Variants in NCOA3 observed in about 807,000 individuals in gnomAD.
NCOA3 encodes CBP-interacting protein.
In NCOA3, 51 loss-of-function variants were observed where a neutral mutation model predicts 158.8. The observed-to-expected ratio is 0.32, with a 90% CI of 0.26 to 0.41. The LOEUF is 0.41. Among genes scored for constraint, NCOA3 ranks in the 10% least tolerant of loss-of-function variants. NCOA3 has a pLI of 1.00. For missense variants in NCOA3, 1,510 were observed against 1,746.6 expected (o/e 0.86, Z 2.41); for synonymous variants, 537 against 592.4 (o/e 0.91, Z 1.36).
intron 1 of NCOA3, among the ~76,000 whole-genome samples, chr20:47,549,070 G>T (rs2084885964): frequency 6.6e-6 from 1 of 151,876 alleles, no homozygotes; most frequent in Non-Finnish European, 1.5e-5. Flanking sequence ...AGAGATGGGG[G>T]TCTCACCACG....
intron 2 of NCOA3, among the ~76,000 whole-genome samples, chr20:47,612,555 T>A (rs2086062169): frequency 6.6e-6 from 1 of 152,202 alleles, no homozygotes; most frequent in South Asian, 2.1e-4. Context: ...AGGAAATGTT[T>A]CAGTTACCTT....
rs1221096315 is a variant in NCOA3 at position 47,583,227 on chromosome 20, T to C, written c.-54T>C. The C allele has an allele frequency of 2.5e-6, 1 of 398,530 alleles. No individual in the cohort carries two copies. The highest frequency in any genetic ancestry group is 4.4e-6 in the Non-Finnish European group (1 of 226,066). 24.7% of individuals were successfully genotyped at this position (398,530 alleles called of 1,614,324 possible). A position where few individuals can be genotyped will look rare whatever the true frequency, so the allele number is the denominator to read the frequency against. Reference sequence around the variant, plus strand: ...TGGTGGACTCAGAGACCAATAAAAATAAACTGCTTGAACATCCTTTGACTG... The same window carrying C: ...TGGTGGACTCAGAGACCAATAAAAACAAACTGCTTGAACATCCTTTGACTG... On this transcript the variant is annotated 5_prime_UTR_variant, in exon 2 of 23. Transcript: ENST00000371998.
intron 1 of NCOA3, among the ~76,000 whole-genome samples, chr20:47,532,072 A>C (rs780337047): frequency 1.8e-4 from 28 of 151,400 alleles, no homozygotes; most frequent in Non-Finnish European, 2.9e-4. Flanking sequence ...GTGACTAGAA[A>C]GGTTACGGAA....
At position 47,635,434 on chromosome 20, in the gene NCOA3, T is replaced by G; in HGVS notation, c.1225T>G (p.Leu409Val). The G allele has an allele frequency of 3.7e-6, 6 of 1,614,148 alleles. No individual in the cohort carries two copies. The highest frequency in any genetic ancestry group is 5.1e-6 in the Non-Finnish European group (6 of 1,180,032). Residue 409 changes from leucine to valine, a missense_variant, in exon 11 of 23, where the codon TTA becomes GTA. By Grantham distance (32) the Leu-to-Val change is conservative. Coordinates refer to ENST00000371998, the MANE Select transcript of NCOA3 (RefSeq NM_181659.3). ...GGMSMSPNQG[L>V]QMPSSRAYGL... ...CATGAGTATGTCGCCAAACCAAGGC[T>G]TACAGATGCCGAGCAGCAGGGCCTA...
intron 1 of NCOA3, among the ~76,000 whole-genome samples, chr20:47,504,253 C>T (rs1602307377): frequency 6.6e-6 from 1 of 152,084 alleles, no homozygotes; most frequent in Admixed American, 6.6e-5. Context: ...TGTGCATTTC[C>T]TTCTCTGTAT....
rs1484751777 is a variant in NCOA3 at position 47,636,251 on chromosome 20, T to C, written c.1865T>C (p.Leu622Pro). Residue 622 changes from leucine (L) to proline (P), a missense_variant, in exon 12 of 23, where the codon CTG becomes CCG. Coordinates refer to ENST00000371998, the MANE Select transcript of NCOA3 (RefSeq NM_181659.3). Reference sequence around the variant, plus strand: ...GAAAGCAAAGGTCATAAAAAATTACTGCAGTTACTTACCTGTTCTTCTGAT... The same window carrying C: ...GAAAGCAAAGGTCATAAAAAATTACCGCAGTTACTTACCTGTTCTTCTGAT... ...PLESKGHKKL[L>P]QLLTCSSDDR... The C allele has an allele frequency of 6.2e-7, 1 of 1,614,234 alleles. No homozygotes were observed. The highest frequency in any genetic ancestry group is 1.1e-5 in the South Asian group (1 of 91,088).
At chr20:47,519,831 C>T (rs2084297539) in intron 1 of NCOA3, among the ~76,000 whole-genome samples, 1 of 151,828 alleles carries the variant, frequency 6.6e-6, no homozygotes, top group Non-Finnish European at 1.5e-5. Context: ...GGCACAATCT[C>T]GCTCACTGCA....
At chr20:47,519,983 C>T (rs570235682) in intron 1 of NCOA3, among the ~76,000 whole-genome samples, 26 of 144,606 alleles carry the variant, frequency 1.8e-4, no homozygotes, top group Non-Finnish European at 2.2e-4. Flanking sequence ...AGGCTGGTCT[C>T]GAACTCCTGA....
At chr20:47,597,951 A>G (rs2085789349) in intron 2 of NCOA3, among the ~76,000 whole-genome samples, 1 of 151,936 alleles carries the variant, frequency 6.6e-6, no homozygotes, top group South Asian at 2.1e-4. Flanking sequence ...ATGTTTTTAA[A>G]GAACCAGGCT....
chr20:47,590,765 C>T (rs893243472), intron 2 of NCOA3, among the ~76,000 whole-genome samples: 5 of 151,930 alleles, frequency 3.3e-5, no homozygotes, highest in South Asian at 4.1e-4. Context: ...GAGCCGTGAT[C>T]GCACCATCGC....
At chr20:47,628,374 A>G (rs6125054) in intron 8 of NCOA3, 17,393 of 175,866 alleles carry the variant, frequency 0.099, 1,008 homozygotes, top group Non-Finnish European at 0.12. Context: ...TTAAAAAATT[A>G]TAAGTAATTT....
At chr20:47,593,408 C>T (rs1478459827) in intron 2 of NCOA3, among the ~76,000 whole-genome samples, 4 of 127,330 alleles carry the variant, frequency 3.1e-5, no homozygotes, top group Non-Finnish European at 4.6e-5. Context: ...AGTGGTGCGT[C>T]GCGGCTCACT....
intron 1 of NCOA3, among the ~76,000 whole-genome samples, chr20:47,576,514 C>A (rs1380543331): frequency 6.6e-6 from 1 of 152,088 alleles, no homozygotes; most frequent in African/African-American, 2.4e-5. Context: ...GATAATTACT[C>A]GATCATTTCT....
At chr20:47,526,046 G>A (rs1173474001) in intron 1 of NCOA3, among the ~76,000 whole-genome samples, 1 of 151,106 alleles carries the variant, frequency 6.6e-6, no homozygotes, top group African/African-American at 2.4e-5. Context: ...TTCTCAGACG[G>A]GGCGGTTGCC....
intron 1 of NCOA3, among the ~76,000 whole-genome samples, chr20:47,544,346 C>T (rs1316107298): frequency 2.6e-5 from 3 of 115,522 alleles, no homozygotes; most frequent in South Asian, 2.9e-4. Flanking sequence ...TTCCCTTAAA[C>T]GCAGGGTCTC....
At chr20:47,568,638 T>G (rs926037443) in intron 1 of NCOA3, among the ~76,000 whole-genome samples, 4 of 151,842 alleles carry the variant, frequency 2.6e-5, no homozygotes, top group Non-Finnish European at 4.4e-5. Context: ...CAAAACGATG[T>G]AAGAATTAAC....
intron 2 of NCOA3, among the ~76,000 whole-genome samples, chr20:47,602,154 G>A (rs921860733): frequency 1.3e-5 from 2 of 152,136 alleles, no homozygotes; most frequent in African/African-American, 4.8e-5. Context: ...TAGTTTCTGT[G>A]CTATTACAAA....
intron 1 of NCOA3, among the ~76,000 whole-genome samples, chr20:47,534,739 A>AC (rs1489978219): frequency 2.6e-5 from 4 of 151,858 alleles, no homozygotes; most frequent in Admixed American, 2.6e-4. Context: ...ACGTGGCGAA[A>AC]CCCCATCTCT....
At position 47,627,511 on chromosome 20, in the gene NCOA3, A is replaced by G. The variant is rs72645251; in HGVS notation, c.533-50A>G. On this transcript the variant is annotated intron_variant, in intron 6 of 22. Coordinates refer to ENST00000371998, the MANE Select transcript of NCOA3 (RefSeq NM_181659.3). ...AGCTTGAATTCTTGATGATGGTCAT[A>G]GAATGAGTTACCAGCTTTTTAAAAT... 207 of 1,422,060 alleles carry G rather than the reference A, an allele frequency of 1.5e-4. No individual in the cohort carries two copies. In the African/African-American group the frequency reaches 2.7e-3, roughly 18 times the overall value. The allele number at this position is 1,422,060 out of a possible 1,614,324, so 88.1% of individuals were successfully genotyped here. A position where few individuals can be genotyped will look rare whatever the true frequency, so the allele number is the denominator to read the frequency against.
Sources: allele counts gnomAD v4.1 joint callset (sites outside exome capture counted in the v4.1 genomes callset), GRCh38; gene constraint gnomAD v4.1.1; transcripts MANE v1.5; gene names NCBI Gene and HGNC (gene_info 2026-07-23, HGNC 2026-07-21).